INSR: variants seen among roughly 807,000 people sequenced by gnomAD.
The protein encoded by INSR is IR.
Under a neutral mutation model 142.6 loss-of-function variants are expected in INSR, and 67 were observed. That is an observed-to-expected ratio of 0.47 (90% CI 0.39 to 0.58). The LOEUF (loss-of-function observed/expected upper bound fraction) is 0.58. Ranked by LOEUF, INSR falls within the 20% of genes least tolerant of loss-of-function variation. The pLI, the probability that INSR is intolerant of heterozygous loss-of-function variation, is 0.00. For synonymous variants in INSR, 756 were observed against 743.1 expected (o/e 1.02, Z -0.28); for missense variants, 1,248 against 1,833.2 (o/e 0.68, Z 5.83).
chr19:7,237,373 C>T (rs963896601), intron 2 of INSR, among the ~76,000 whole-genome samples: 1 of 151,216 alleles, frequency 6.6e-6, no homozygotes, highest in Non-Finnish European at 1.5e-5. Context: ...AAAAATTAGC[C>T]GGGCGTGGTG....
At chr19:7,236,921 G>A (rs905497391) in intron 2 of INSR, among the ~76,000 whole-genome samples, 2 of 151,786 alleles carry the variant, frequency 1.3e-5, no homozygotes, top group African/African-American at 4.8e-5. Flanking sequence ...CAGCTACTCG[G>A]GAGGCTGAGG....
At chr19:7,280,720 A>G (rs1968183803) in intron 1 of INSR, among the ~76,000 whole-genome samples, 1 of 151,172 alleles carries the variant, frequency 6.6e-6, no homozygotes, top group Non-Finnish European at 1.5e-5. Context: ...TCCATCTCAA[A>G]AAAAAAAACA....
intron 2 of INSR, among the ~76,000 whole-genome samples, chr19:7,204,135 C>G (rs948001822): frequency 2.0e-5 from 3 of 151,892 alleles, no homozygotes; most frequent in Non-Finnish European, 4.4e-5. Flanking sequence ...CTCTGCCTCC[C>G]GGGTTCAAGC....
In INSR at chr19:7,166,056, C is replaced by T; in HGVS notation, c.1861+98G>A. 2 of 1,382,080 alleles carry T rather than the reference C, an allele frequency of 1.4e-6. No homozygotes were observed. Among genetic ancestry groups the T allele is most frequent in the Non-Finnish European group, 2.0e-6 (2 of 986,758 alleles). 85.6% of individuals were successfully genotyped at this position (1,382,080 alleles called of 1,614,324 possible). A position where few individuals can be genotyped will look rare whatever the true frequency, so the allele number is the denominator to read the frequency against. On this transcript the variant is annotated intron_variant, in intron 8 of 21. Coordinates refer to ENST00000302850, the MANE Select transcript of INSR (RefSeq NM_000208.4). The surrounding 1 kb of genome is among the most constrained non-coding windows in gnomAD (Gnocchi z 4.1). ...CTAAAAAAAAAAAAAAAGCCAATAA[C>T]CATATCAAGGAGCATTTTATACAAC...
rs1972509612 is a variant in INSR at position 7,122,229 on chromosome 19, G to C, written c.3529+385C>G. 2.6e-5 allele frequency among the ~76,000 whole-genome samples: 4 copies of C among 151,648 alleles called. No individual in the cohort carries two copies. In the South Asian group the frequency reaches 8.3e-4, roughly 32 times the overall value. ...GAGGCCGAGGCAGGAGGATCACGAG[G>C]TCAGGAGATCAAGACTATCCTGGCC... On this transcript the variant is annotated intron_variant, in intron 19 of 21. Transcript: ENST00000302850.
At chr19:7,128,026 G>C (rs1972687525) in intron 15 of INSR, among the ~76,000 whole-genome samples, 1 of 151,986 alleles carries the variant, frequency 6.6e-6, no homozygotes, top group Non-Finnish European at 1.5e-5. Flanking sequence ...ACAGGTGTGA[G>C]CCACCGTGCC....
At chr19:7,131,687 C>CT (rs371571877) in intron 14 of INSR, among the ~76,000 whole-genome samples, 60,500 of 121,978 alleles carry the variant, frequency 0.5, 15,290 homozygotes, top group Admixed American at 0.58. Context: ...ACCTCTGAAA[C>CT]TTTTTTTTTT....
At chr19:7,145,518 C>T (rs1973165833) in intron 11 of INSR, among the ~76,000 whole-genome samples, 3 of 152,146 alleles carry the variant, frequency 2.0e-5, no homozygotes, top group Admixed American at 2.0e-4. Context: ...CAATGACACA[C>T]TAGAAGAGGG....
intron 2 of INSR, among the ~76,000 whole-genome samples, chr19:7,250,830 A>G (rs1004529615): frequency 9.2e-5 from 14 of 152,138 alleles, no homozygotes. Context: ...TCCAAGAGGT[A>G]GAACCTGAGT....
chr19:7,128,615 G>A (rs1002144245), intron 15 of INSR, among the ~76,000 whole-genome samples: 16 of 151,174 alleles, frequency 1.1e-4, no homozygotes, highest in Non-Finnish European at 1.8e-4. Flanking sequence ...CGGATATAAA[G>A]GTTTGGGCAA....
rs567053193 is a variant in INSR, at chr19:7,268,678, C to T, written c.101-782G>A. On this transcript the variant is annotated intron_variant, in intron 1 of 21. Transcript: ENST00000302850. The stretch of plus-strand genomic sequence containing the variant: ...GAAGTGAAACAACTCAGGGCAAGCA[C>T]TCAAACAGTGCCTGAGACATAGTAA... 53 of 833,800 alleles carry T rather than the reference C, an allele frequency of 6.4e-5. No homozygotes were observed. The East Asian group carries it at 3.1e-3, about 48-fold the overall frequency. 51.7% of individuals were successfully genotyped at this position (833,800 alleles called of 1,614,324 possible).
At chr19:7,219,062 A>C (rs1390823402) in intron 2 of INSR, among the ~76,000 whole-genome samples, 1 of 152,226 alleles carries the variant, frequency 6.6e-6, no homozygotes, top group African/African-American at 2.4e-5. Context: ...TCTGTGCAGC[A>C]GTCACTCTGT....
At chr19:7,234,731 C>T (rs1976104002) in intron 2 of INSR, among the ~76,000 whole-genome samples, 1 of 152,130 alleles carries the variant, frequency 6.6e-6, no homozygotes, top group African/African-American at 2.4e-5. Context: ...ATCCTCCCAT[C>T]ATGAAAACAA....
chr19:7,174,850 T>C (rs1974101090), intron 3 of INSR, 119 bp from the exon 4 acceptor site: 2 of 1,031,470 alleles, frequency 1.9e-6, no homozygotes, highest in Non-Finnish European at 2.8e-6. Context: ...TGTGTGTGTG[T>C]GTGTGTTTGT....
At chr19:7,224,672 C>G (rs2145109059) in intron 2 of INSR, among the ~76,000 whole-genome samples, 1 of 152,290 alleles carries the variant, frequency 6.6e-6, no homozygotes, top group Middle Eastern at 3.4e-3. Context: ...GGCCAAGAAG[C>G]CGTAAGATGT....
chr19:7,256,755 C>T (rs1426461287), intron 2 of INSR, among the ~76,000 whole-genome samples: 1 of 151,676 alleles, frequency 6.6e-6, no homozygotes, highest in African/African-American at 2.4e-5. Context: ...AAAAAAAATG[C>T]CAATCATCTG....
At chr19:7,198,155 G>GC (rs1974841379) in intron 2 of INSR, among the ~76,000 whole-genome samples, 1 of 151,896 alleles carries the variant, frequency 6.6e-6, no homozygotes, top group South Asian at 2.1e-4. Context: ...GCAGCACAAA[G>GC]CCCGGGGCGC....
At chr19:7,242,517 C>T (rs770034385) in intron 2 of INSR, among the ~76,000 whole-genome samples, 6 of 151,784 alleles carry the variant, frequency 4.0e-5, no homozygotes, top group Admixed American at 1.3e-4. Context: ...GAGGGCAGAT[C>T]ACTTGAGGTC....
In INSR at chr19:7,293,117, G is replaced by A. The variant is rs1174618479; in HGVS notation, c.100+675C>T. On this transcript the variant is annotated intron_variant, in intron 1 of 21. Transcript: ENST00000302850. ...GAGAGATAAGATAGACTAGGCTGTG[G>A]CGTGCGGTGATACCAATTACAATAA... 2.0e-5 allele frequency among the ~76,000 whole-genome samples: 3 copies of A among 152,150 alleles called. No homozygotes were observed. In the East Asian group the frequency reaches 5.8e-4, roughly 29 times the overall value.
Sources: gnomAD v4.1 joint callset for allele counts (sites outside exome capture counted in the v4.1 genomes callset) on GRCh38, gnomAD v4.1.1 for gene constraint, Gnocchi (gnomAD v3.1) non-coding constraint, MANE v1.5 for transcripts, NCBI Gene and HGNC (gene_info 2026-07-23, HGNC 2026-07-21) for gene names.